The following IGDCC4 variants were observed in gnomAD, a reference collection of about 807,000 sequenced individuals.
IGDCC4 encodes likely ortholog of mouse neighbor of Punc E11.
A neutral mutation model predicts 116.6 loss-of-function variants in IGDCC4; 72 were observed. That is an observed-to-expected ratio of 0.62 (90% confidence interval 0.51 to 0.75). The LOEUF (loss-of-function observed/expected upper bound fraction) is 0.75, where lower values mean the gene tolerates loss of function less well. Among genes scored for constraint, IGDCC4 ranks in the 30% least tolerant of loss-of-function variants. The pLI is 0.00. For missense variants in IGDCC4, 1,501 were observed against 1,662.4 expected, an observed-to-expected ratio of 0.90 and a Z score of 1.69; for synonymous variants, 709 against 719.9, an observed-to-expected ratio of 0.98 and a Z score of 0.24.
rs1038805431 is a variant in IGDCC4, at chr15:65,383,853, T to C, written c.*156A>G. The C allele has an allele frequency of 1.7e-5, 10 of 593,642 alleles. No individual in the cohort carries two copies. The highest frequency in any genetic ancestry group is 2.8e-5 in the Non-Finnish European group (10 of 351,096). The allele number at this position is 593,642 out of a possible 1,614,324, so 36.8% of individuals were successfully genotyped here. ...CAAAGAGTATGGGGGGAGTGAATAA[T>C]CCATGTTTTCCTCTCCCCTCAGCCA... On this transcript the variant is annotated 3_prime_UTR_variant, in exon 20 of 20. Coordinates refer to ENST00000352385, the MANE Select transcript of IGDCC4 (RefSeq NM_020962.3).
At chr15:65,396,372 A>T (rs1422137852) in intron 6 of IGDCC4, 5 of 667,470 alleles carry the variant, frequency 7.5e-6, no homozygotes, top group African/African-American at 1.8e-5. Context: ...CACAACGACC[A>T]TTCTCTTTCT....
At chr15:65,407,999 G>T (rs1277393899) in intron 3 of IGDCC4, among the ~76,000 whole-genome samples, 1 of 151,812 alleles carries the variant, frequency 6.6e-6, no homozygotes, top group Non-Finnish European at 1.5e-5. Flanking sequence ...TAACTCCTGA[G>T]CTCAAGCGAT....
chr15:65,414,683 C>T (rs767036622), intron 1 of IGDCC4, among the ~76,000 whole-genome samples: 3 of 152,148 alleles, frequency 2.0e-5, no homozygotes, highest in Non-Finnish European at 4.4e-5. Flanking sequence ...GCTCTGTTGC[C>T]CAGGCTGGAG....
intron 8 of IGDCC4, 36 bp downstream of exon 8, chr15:65,395,058 A>AC (rs756261487): frequency 8.3e-6 from 13 of 1,575,018 alleles, no homozygotes; most frequent in Non-Finnish European, 1.1e-5. Flanking sequence ...AATTCTCTTT[A>AC]CCCCAAGCTG....
At chr15:65,396,457 T>A in intron 6 of IGDCC4, 1 of 547,762 alleles carries the variant, frequency 1.8e-6, no homozygotes, top group Non-Finnish European at 3.4e-6. Flanking sequence ...CACCCCTAAA[T>A]TTACCCATCT....
intron 1 of IGDCC4, among the ~76,000 whole-genome samples, chr15:65,418,620 G>A (rs2063164250): frequency 6.6e-6 from 1 of 152,096 alleles, no homozygotes; most frequent in Non-Finnish European, 1.5e-5. Context: ...CTGCATGTCA[G>A]GCTCCAAAAC....
chr15:65,394,653 G>C (rs1279408428), intron 8 of IGDCC4, 105 bp from the exon 9 acceptor site: 1 of 1,151,728 alleles, frequency 8.7e-7, no homozygotes, highest in East Asian at 2.6e-5. Context: ...TCAGAAGTAG[G>C]CCAGGACCAG....
chr15:65,409,540 T>C (rs2063070476), intron 3 of IGDCC4, among the ~76,000 whole-genome samples: 1 of 152,276 alleles, frequency 6.6e-6, no homozygotes, highest in Middle Eastern at 3.4e-3. Context: ...TGCATACACA[T>C]CTGGACCTAC....
Position 65,401,715 on chromosome 15 carries a change from C to T in IGDCC4, c.700+636G>A, listed in dbSNP as rs548813636. 1.9e-3 allele frequency among the ~76,000 whole-genome samples: 287 copies of T among 152,232 alleles called. 1 individual carries two copies. Among genetic ancestry groups the T allele is most frequent in the African/African-American group, 6.7e-3 (278 of 41,542 alleles). ...GCACCTGCCAGGTGCCAGGCACTTT[C>T]CATTCTTATCTCAAGGACTCTTCGA... On this transcript the variant is annotated intron_variant, in intron 4 of 19. Coordinates refer to ENST00000352385, the MANE Select transcript of IGDCC4 (RefSeq NM_020962.3).
chr15:65,386,053 G>A lies in IGDCC4; in HGVS notation c.2958C>T (p.Ser986=). Residue 986 remains serine (S), a synonymous_variant, in exon 18 of 20, where the codon TCC becomes TCT. Coordinates refer to ENST00000352385, the MANE Select transcript of IGDCC4 (RefSeq NM_020962.3). Reference sequence around the variant, plus strand: ...TGGCGGTGGAGGACAGGCCTGGGAGGGATTCCCTGGAAGGGAAGACGGAAA... The same window carrying A: ...TGGCGGTGGAGGACAGGCCTGGGAGAGATTCCCTGGAAGGGAAGACGGAAA... ...AGLRRSPHRE[S]LPGLSSTATP... 2 of 1,506,462 alleles carry A rather than the reference G, an allele frequency of 1.3e-6. No individual in the cohort carries two copies. Among genetic ancestry groups the A allele is most frequent in the Non-Finnish European group, 1.8e-6 (2 of 1,129,544 alleles). 93.3% of individuals were successfully genotyped at this position (1,506,462 alleles called of 1,614,324 possible).
intron 3 of IGDCC4, 151 bp from the exon 4 acceptor site, chr15:65,402,638 C>T (rs548032428): frequency 3.6e-5 from 37 of 1,034,944 alleles, no homozygotes; most frequent in East Asian, 3.0e-4. Context: ...GGAGGCGAGG[C>T]GGGCGAATCA....
At chr15:65,389,782 A>G (rs537944706) in intron 13 of IGDCC4, among the ~76,000 whole-genome samples, 2 of 152,248 alleles carry the variant, frequency 1.3e-5, no homozygotes, top group African/African-American at 2.4e-5. Context: ...CAGGCTCCTC[A>G]GGCTCTGTCT....
At chr15:65,404,977 G>A (rs1189667398) in intron 3 of IGDCC4, among the ~76,000 whole-genome samples, 3 of 152,252 alleles carry the variant, frequency 2.0e-5, no homozygotes, top group South Asian at 2.1e-4. Context: ...GCTTGAGACC[G>A]GGAGGTAGAG....
chr15:65,395,353 T>A (rs2062913326), intron 7 of IGDCC4, 95 bp from the exon 8 acceptor site: 1 of 1,260,624 alleles, frequency 7.9e-7, no homozygotes, highest in East Asian at 2.4e-5. Flanking sequence ...TGTCCTGGTG[T>A]CTATTTATAG....
In IGDCC4 at chr15:65,422,883, G is replaced by T; in HGVS notation, c.-21C>A. The stretch of plus-strand genomic sequence containing the variant: ...GCCATGGGGCTGGGCTCGGGCCGCC[G>T]CCGCCGCCGCCGCCTCCCCGTGCTT... On this transcript the variant is annotated 5_prime_UTR_variant, in exon 1 of 20. Transcript: ENST00000352385. 9.5e-7 allele frequency: 1 copy of T among 1,054,890 alleles called. No homozygotes were observed. The highest frequency in any genetic ancestry group is 1.1e-6 in the Non-Finnish European group (1 of 874,078). 65.3% of individuals were successfully genotyped at this position (1,054,890 alleles called of 1,614,324 possible).
chr15:65,395,847 C>T lies in IGDCC4; in HGVS notation c.1314G>A (p.Thr438=), dbSNP rs1251882665. The part of the protein sequence containing the change: ...LPSAPTRVTA[T]PLSSSAVLVA... ...CCAACACAGCGGAGCTGCTCAGTGG[C>T]GTAGCAGTGACCCGCGTGGGGGCGC... is the stretch of plus-strand genomic sequence containing the variant. Residue 438 remains threonine, a synonymous_variant, in exon 7 of 20, where the codon ACG becomes ACA. Coordinates refer to ENST00000352385, the MANE Select transcript of IGDCC4 (RefSeq NM_020962.3). 6.3e-7 allele frequency: 1 copy of T among 1,574,820 alleles called. No individual in the cohort carries two copies. The highest frequency in any genetic ancestry group is 1.4e-5 in the African/African-American group (1 of 74,002).
intron 1 of IGDCC4, among the ~76,000 whole-genome samples, chr15:65,415,042 G>A (rs1019821461): frequency 6.6e-6 from 1 of 152,192 alleles, no homozygotes; most frequent in Admixed American, 6.5e-5. Flanking sequence ...CTGTACAAGT[G>A]CTATTTGCTG....
rs1242787749 is a variant in IGDCC4 at position 65,388,530 on chromosome 15, T to C, written c.2764A>G (p.Lys922Glu). 6.2e-7 allele frequency: 1 copy of C among 1,614,104 alleles called. No homozygotes were observed. Among genetic ancestry groups the C allele is most frequent in the South Asian group, 1.1e-5 (1 of 91,088 alleles). ...CCCACCTCTGTGCGCGCCCCCATCT[T>C]GAAGAAGTACCGAGTGTCGCTCTCC... The part of the protein sequence containing the change: ...GLESDTRYFF[K>E]MGARTEVGPG... Residue 922 changes from lysine (K) to glutamate (E), a missense_variant, in exon 16 of 20, where the codon AAG becomes GAG. Coordinates refer to ENST00000352385, the MANE Select transcript of IGDCC4 (RefSeq NM_020962.3).
intron 3 of IGDCC4, among the ~76,000 whole-genome samples, chr15:65,406,028 G>C (rs1413823998): frequency 6.6e-6 from 1 of 152,236 alleles, no homozygotes; most frequent in East Asian, 1.9e-4. Flanking sequence ...GAAGTCACAT[G>C]AGATTGACAG....
Sources: gnomAD v4.1 joint callset for allele counts (sites outside exome capture counted in the v4.1 genomes callset) on GRCh38, gnomAD v4.1.1 for gene constraint, MANE v1.5 for transcripts, NCBI Gene and HGNC (gene_info 2026-07-23, HGNC 2026-07-21) for gene names.